DYNC1I1: variants seen among roughly 807,000 people sequenced by gnomAD.
DYNC1I1 encodes the protein dynein cytoplasmic 1 intermediate chain 1, also known as cytoplasmic dynein 1 intermediate chain 1.
In DYNC1I1, 43 loss-of-function variants were observed where a neutral mutation model predicts 86.6. The observed-to-expected ratio is 0.50, with a 90% CI of 0.39 to 0.64. The LOEUF (loss-of-function observed/expected upper bound fraction) is 0.64. DYNC1I1 is among the 30% of genes least tolerant of loss of function. The pLI is 0.00. For synonymous variants in DYNC1I1, 262 were observed against 283.7 expected, an observed-to-expected ratio of 0.92 and a Z score of 0.77; for missense variants, 604 against 788.8, an observed-to-expected ratio of 0.77 and a Z score of 2.81.
chr7:95,858,509 TATC>T (rs964709435), intron 5 of DYNC1I1, among the ~76,000 whole-genome samples: 11 of 152,216 alleles, frequency 7.2e-5, no homozygotes, highest in Non-Finnish European at 1.6e-4. Context: ...AGTCATTTAT[TATC>T]ATTATCAAAT....
intron 6 of DYNC1I1, among the ~76,000 whole-genome samples, chr7:95,957,789 G>C (rs892597297): frequency 1.3e-5 from 2 of 152,222 alleles, no homozygotes; most frequent in Non-Finnish European, 2.9e-5. Context: ...GGCTCTGAAA[G>C]GGGTGAAGAG....
chr7:95,884,866 C>T (rs1278208264), intron 6 of DYNC1I1, among the ~76,000 whole-genome samples: 1 of 151,922 alleles, frequency 6.6e-6, no homozygotes, highest in Admixed American at 6.6e-5. Context: ...TCTGTTTCTC[C>T]TCAACCTCAG....
chr7:96,050,916 C>T (rs1227415031), intron 14 of DYNC1I1, among the ~76,000 whole-genome samples: 2 of 152,150 alleles, frequency 1.3e-5, no homozygotes, highest in African/African-American at 4.8e-5. Context: ...AAATGCATTG[C>T]CTGAATAAAT....
chr7:95,976,735 C>A (rs765704326), intron 6 of DYNC1I1, among the ~76,000 whole-genome samples: 5 of 152,024 alleles, frequency 3.3e-5, no homozygotes, highest in Non-Finnish European at 5.9e-5. Context: ...TCTTGTGACA[C>A]CTTGACACTC....
At chr7:95,848,711 C>G (rs1206641853) in intron 5 of DYNC1I1, among the ~76,000 whole-genome samples, 1 of 152,020 alleles carries the variant, frequency 6.6e-6, no homozygotes, top group Non-Finnish European at 1.5e-5. Context: ...ACCTCTCTGA[C>G]ATGCTTATTT....
chr7:95,791,683 G>C (rs758463551), intron 1 of DYNC1I1, among the ~76,000 whole-genome samples: 5 of 152,218 alleles, frequency 3.3e-5, no homozygotes, highest in Non-Finnish European at 5.9e-5. Context: ...ATAATCAATA[G>C]AGATTGTCAA....
At chr7:96,096,041 T>G (rs1481167698) in intron 16 of DYNC1I1, among the ~76,000 whole-genome samples, 3 of 152,142 alleles carry the variant, frequency 2.0e-5, no homozygotes, top group African/African-American at 7.2e-5. Context: ...GGTACTGCAC[T>G]TCGCAAAATA....
At chr7:95,988,632 G>A (rs572299618) in intron 9 of DYNC1I1, among the ~76,000 whole-genome samples, 20 of 152,288 alleles carry the variant, frequency 1.3e-4, no homozygotes, top group African/African-American at 4.6e-4. Flanking sequence ...TAACAACAAT[G>A]TTCCTTCCTG....
chr7:95,891,324 T>TAG (rs1469702852), intron 6 of DYNC1I1, among the ~76,000 whole-genome samples: 3 of 152,206 alleles, frequency 2.0e-5, no homozygotes, highest in African/African-American at 7.2e-5. Context: ...ATTGTGGGCT[T>TAG]CAAAATAAAA....
intron 1 of DYNC1I1, among the ~76,000 whole-genome samples, chr7:95,795,836 T>C: frequency 6.6e-6 from 1 of 151,830 alleles, no homozygotes; most frequent in East Asian, 1.9e-4. Context: ...CAAGCCCCCA[T>C]GTCACAAATT....
rs1449729350 is a variant in DYNC1I1 at position 96,091,873 on chromosome 7, G to C, written c.1777-5610G>C. Among the ~76,000 whole-genome samples the C allele has an allele frequency of 4.6e-5, 7 of 152,250 alleles. No homozygotes were observed. The East Asian group carries it at 1.3e-3, about 29-fold the overall frequency. Reference sequence around the variant, plus strand: ...TTAGGTAAAAATGAAGAATCCCACTGTGGAAAGTGCCACAAGGAAAGAGCT... The same window carrying C: ...TTAGGTAAAAATGAAGAATCCCACTCTGGAAAGTGCCACAAGGAAAGAGCT... On this transcript the variant is annotated intron_variant, in intron 16 of 16. Coordinates refer to ENST00000447467, the MANE Select transcript of DYNC1I1 (RefSeq NM_001135556.2).
chr7:95,788,916 G>T (rs1794217942), intron 1 of DYNC1I1, among the ~76,000 whole-genome samples: 1 of 152,138 alleles, frequency 6.6e-6, no homozygotes, highest in African/African-American at 2.4e-5. Flanking sequence ...CCCTTAGCAT[G>T]CATGGTCTTG....
At position 96,050,917 on chromosome 7, in the gene DYNC1I1, CT is replaced by C. The variant is rs781165418; in HGVS notation, c.1509+11497del. Among the ~76,000 whole-genome samples, 72 of 152,140 alleles carry C rather than the reference CT, an allele frequency of 4.7e-4. 1 individual carries two copies. The highest frequency in any genetic ancestry group is 1.4e-3 in the Admixed American group (22 of 15,266). On this transcript the variant is annotated intron_variant, in intron 14 of 16. Coordinates refer to ENST00000447467, the MANE Select transcript of DYNC1I1 (RefSeq NM_001135556.2). ...AAAAAAAGTACTAAAAATGCATTGC[CT>C]GAATAAATTCTGTTGAGTACCAACT... is the stretch of plus-strand genomic sequence containing the variant.
chr7:95,922,009 C>T (rs1400538377), intron 6 of DYNC1I1, among the ~76,000 whole-genome samples: 3 of 152,040 alleles, frequency 2.0e-5, no homozygotes, highest in Non-Finnish European at 4.4e-5. Flanking sequence ...TTGAATTTTC[C>T]CATGTTTAAT....
In DYNC1I1 at chr7:95,895,772, CATTT is replaced by C. The variant is rs558593899; in HGVS notation, c.490+25780_490+25783del. Among the ~76,000 whole-genome samples the C allele has an allele frequency of 3.0e-3, 458 of 152,188 alleles. 3 individuals are homozygous for C. The highest frequency in any genetic ancestry group is 7.4e-3 in the Admixed American group (113 of 15,294). On this transcript the variant is annotated intron_variant, in intron 6 of 16. Coordinates refer to ENST00000447467, the MANE Select transcript of DYNC1I1 (RefSeq NM_001135556.2). ...ATTAAAGTGATATATAACATAACTA[CATTT>C]ATTTAAGAATGTATTCCAATATCAC... is the stretch of plus-strand genomic sequence containing the variant.
rs183180444 is a variant in DYNC1I1, at chr7:95,837,824, G to A, written c.374+9708G>A. On this transcript the variant is annotated intron_variant, in intron 5 of 16. Transcript: ENST00000447467. ...GTGAGGCAATGCCTCACCCTGCTTC[G>A]GCTCGCGCATGGTGCGCGCACCCAC... Among the ~76,000 whole-genome samples the A allele has an allele frequency of 3.1e-3, 475 of 152,240 alleles. 1 individual carries two copies. The highest frequency in any genetic ancestry group is 4.7e-3 in the Non-Finnish European group (323 of 68,030).
intron 1 of DYNC1I1, among the ~76,000 whole-genome samples, chr7:95,777,618 AT>A (rs1584210343): frequency 1.3e-5 from 2 of 152,210 alleles, no homozygotes; most frequent in African/African-American, 2.4e-5. Context: ...TATTCTTGCT[AT>A]GATCGCATAG....
At chr7:95,868,295 A>G (rs1027166741) in intron 5 of DYNC1I1, among the ~76,000 whole-genome samples, 2 of 152,258 alleles carry the variant, frequency 1.3e-5, no homozygotes, top group Non-Finnish European at 2.9e-5. Context: ...AGCACATCTT[A>G]GATCTCATCT....
intron 16 of DYNC1I1, among the ~76,000 whole-genome samples, chr7:96,086,315 A>C (rs1375901737): frequency 6.6e-6 from 1 of 152,122 alleles, no homozygotes; most frequent in Admixed American, 6.6e-5. Flanking sequence ...TTTTCCATTA[A>C]CCTCTTCCAG....
Sources: allele counts gnomAD v4.1 joint callset (sites outside exome capture counted in the v4.1 genomes callset), GRCh38; gene constraint gnomAD v4.1.1; transcripts MANE v1.5; gene names NCBI Gene and HGNC (gene_info 2026-07-23, HGNC 2026-07-21).